Variants in ACTL8 observed in about 807,000 individuals in gnomAD.
ACTL8 encodes the protein actin-like protein 8.
ACTL8 carries 3 observed loss-of-function variants against 9.3 expected under a neutral mutation model. The observed-to-expected ratio is 0.32, with a 90% CI of 0.15 to 0.83. ACTL8 has a LOEUF of 0.83. Ranked by LOEUF, ACTL8 falls within the 40% of genes least tolerant of loss-of-function variation. The pLI is 0.57. For synonymous variants in ACTL8, 224 were observed against 205.9 expected (o/e 1.09, Z -0.75); for missense variants, 381 against 492.2 (o/e 0.77, Z 2.14).
At chr1:17,816,451 G>A (rs774233396) in intron 1 of ACTL8, among the ~76,000 whole-genome samples, 3 of 152,136 alleles carry the variant, frequency 2.0e-5, no homozygotes, top group Admixed American at 6.5e-5. Context: ...CAATCCACCC[G>A]CCTTGGCCTC....
intron 1 of ACTL8, among the ~76,000 whole-genome samples, chr1:17,799,929 C>G (rs919975706): frequency 6.6e-6 from 1 of 151,548 alleles, no homozygotes; most frequent in Non-Finnish European, 1.5e-5. Flanking sequence ...TTTCTGAGCT[C>G]TCTCTGCTGT....
chr1:17,786,005 G>A (rs1445553666), intron 1 of ACTL8, among the ~76,000 whole-genome samples: 1 of 152,190 alleles, frequency 6.6e-6, no homozygotes, highest in Admixed American at 6.5e-5. Flanking sequence ...CCCTGTGGCT[G>A]TGTGACTGAG....
intron 1 of ACTL8, among the ~76,000 whole-genome samples, chr1:17,763,531 T>C (rs1169249458): frequency 6.6e-6 from 1 of 152,140 alleles, no homozygotes; most frequent in Admixed American, 6.5e-5. Flanking sequence ...CCCCTCCCCG[T>C]GTCCCCTGCC....
chr1:17,779,022 A>G (rs1281118604), intron 1 of ACTL8, among the ~76,000 whole-genome samples: 1 of 152,072 alleles, frequency 6.6e-6, no homozygotes, highest in Non-Finnish European at 1.5e-5. Flanking sequence ...ATAGGCACCC[A>G]TTCTAGAAAT....
In ACTL8 at chr1:17,783,596, T is replaced by G. The variant is rs185550816; in HGVS notation, c.-25+28092T>G. Among the ~76,000 whole-genome samples, 60 of 152,350 alleles carry G rather than the reference T, an allele frequency of 3.9e-4. 1 individual carries two copies. Among genetic ancestry groups the G allele is most frequent in the Admixed American group, 3.9e-3 (60 of 15,306 alleles). On this transcript the variant is annotated intron_variant, in intron 1 of 2. Transcript: ENST00000375406. ...CCGTTTGGCTCTCTAGCTTCGCAACTCTGGCCTCCTTGTGTGTCCCTGAGG... is the reference window on the plus strand; with the variant it reads ...CCGTTTGGCTCTCTAGCTTCGCAACGCTGGCCTCCTTGTGTGTCCCTGAGG...
In ACTL8 at chr1:17,767,469, G is replaced by A. The variant is rs893316166; in HGVS notation, c.-25+11965G>A. On this transcript the variant is annotated intron_variant, in intron 1 of 2. Transcript: ENST00000375406. The surrounding 1 kb of genome is among the most constrained non-coding windows in gnomAD (Gnocchi z 4.7). ...CTCTTCCCTTTCCTCCCGGACTGAC[G>A]TCTGCACATCCTTCTCTCCCGGCTA... Among the ~76,000 whole-genome samples the A allele has an allele frequency of 6.6e-6, 1 of 152,094 alleles. No individual in the cohort carries two copies.
chr1:17,802,431 G>A (rs1031227676), intron 1 of ACTL8, among the ~76,000 whole-genome samples: 14 of 141,978 alleles, frequency 9.9e-5, no homozygotes, highest in African/African-American at 4.4e-4. Flanking sequence ...GTGCGTGTGT[G>A]TGTGTGTGTG....
chr1:17,826,370 G>T lies in ACTL8; in HGVS notation c.952G>T (p.Asp318Tyr). 2 of 1,614,124 alleles carry T rather than the reference G, an allele frequency of 1.2e-6. No homozygotes were observed. Among genetic ancestry groups the T allele is most frequent in the Non-Finnish European group, 1.7e-6 (2 of 1,180,018 alleles). Residue 318 changes from aspartate (D) to tyrosine (Y), a missense_variant, in exon 3 of 3, where the codon GAT becomes TAT. Around this residue, in one of 3 missense-constraint regions of ACTL8, gnomAD observed 243 missense variants for 276.2 expected, o/e 0.88. Coordinates refer to ENST00000375406, the MANE Select transcript of ACTL8 (RefSeq NM_030812.3). The surrounding 1 kb of genome is among the most constrained non-coding windows in gnomAD (Gnocchi z 4.5). ...GCGCCTGTTCAGGGAGCTGATGGGGGATCACGTCTCCTCCACCAAGGCCAC... is the reference window on the plus strand; with the variant it reads ...GCGCCTGTTCAGGGAGCTGATGGGGTATCACGTCTCCTCCACCAAGGCCAC... ...TKRLFRELMG[D>Y]HVSSTKATVW...
chr1:17,799,620 T>G (rs2066306094), intron 1 of ACTL8, among the ~76,000 whole-genome samples: 1 of 152,160 alleles, frequency 6.6e-6, no homozygotes, highest in East Asian at 1.9e-4. Context: ...TCTCTGGCCT[T>G]AGAAATTGTG....
In ACTL8 at chr1:17,823,499, T is replaced by C; in HGVS notation, c.348+143T>C. 3.8e-6 allele frequency: 3 copies of C among 799,688 alleles called. No homozygotes were observed. The highest frequency in any genetic ancestry group is 5.8e-6 in the Non-Finnish European group (3 of 519,528). 49.5% of individuals were successfully genotyped at this position (799,688 alleles called of 1,614,324 possible). On this transcript the variant is annotated intron_variant, in intron 2 of 2. Transcript: ENST00000375406. This position sits in a 1 kb window ranked among gnomAD's most constrained non-coding sequence, Gnocchi z 5.3. ...GGCTTATGCCTGTAATCCCAACACT[T>C]TGGGACTCCCAGGCAGGCAGATTGC...
At position 17,826,585 on chromosome 1, in the gene ACTL8, A is replaced by G; in HGVS notation, c.*66A>G. On this transcript the variant is annotated 3_prime_UTR_variant, in exon 3 of 3. Transcript: ENST00000375406. This position sits in a 1 kb window ranked among gnomAD's most constrained non-coding sequence, Gnocchi z 4.5. ...GGCACGGGCGGATTAATTTTAGCAA[A>G]ATGTTCTGGGTGGGGGTAGAATGAG... The G allele has an allele frequency of 7.0e-7, 1 of 1,434,572 alleles. No homozygotes were observed. The highest frequency in any genetic ancestry group is 9.2e-7 in the Non-Finnish European group (1 of 1,083,290). 88.9% of individuals were successfully genotyped at this position (1,434,572 alleles called of 1,614,324 possible). A position where few individuals can be genotyped will look rare whatever the true frequency, so the allele number is the denominator to read the frequency against.
chr1:17,796,430 A>G (rs2066277814), intron 1 of ACTL8, among the ~76,000 whole-genome samples: 2 of 152,090 alleles, frequency 1.3e-5, no homozygotes, highest in Non-Finnish European at 2.9e-5. Flanking sequence ...AGGTGCCTTC[A>G]GTATCTCATT....
chr1:17,755,875 G>C (rs1473405305), intron 1 of ACTL8, among the ~76,000 whole-genome samples: 1 of 151,284 alleles, frequency 6.6e-6, no homozygotes, highest in African/African-American at 2.4e-5. Context: ...GGGGTGAGGG[G>C]CTCTTTCTGG....
rs144554207 is a variant in ACTL8, at chr1:17,800,445, C to T, written c.-24-22540C>T. 3.9e-4 allele frequency among the ~76,000 whole-genome samples: 60 copies of T among 152,240 alleles called. No homozygotes were observed. In the East Asian group the frequency reaches 6.4e-3, roughly 16 times the overall value. On this transcript the variant is annotated intron_variant, in intron 1 of 2. Coordinates refer to ENST00000375406, the MANE Select transcript of ACTL8 (RefSeq NM_030812.3). ...TTTCTATAGATGATATTATCTTAAA[C>T]GTGAACAATGGTGGTCTCTCTGTCT... is the stretch of plus-strand genomic sequence containing the variant.
intron 1 of ACTL8, among the ~76,000 whole-genome samples, chr1:17,802,682 T>C (rs1265812081): frequency 1.3e-5 from 2 of 152,144 alleles, no homozygotes; most frequent in African/African-American, 4.8e-5. Context: ...AGAAAAGATA[T>C]CTTCAAACAG....
At chr1:17,820,170 C>T (rs555512619) in intron 1 of ACTL8, among the ~76,000 whole-genome samples, 11 of 152,180 alleles carry the variant, frequency 7.2e-5, no homozygotes, top group Admixed American at 2.0e-4. Flanking sequence ...CATCCCCTCT[C>T]ACCACCTGGC....
At chr1:17,796,692 A>T (rs1238501603) in intron 1 of ACTL8, among the ~76,000 whole-genome samples, 1 of 152,184 alleles carries the variant, frequency 6.6e-6, no homozygotes, top group Admixed American at 6.5e-5. Context: ...CTCATACCGG[A>T]TTCAAACCCC....
At chr1:17,821,563 G>C (rs1019761936) in intron 1 of ACTL8, among the ~76,000 whole-genome samples, 1 of 152,126 alleles carries the variant, frequency 6.6e-6, no homozygotes, top group African/African-American at 2.4e-5. Flanking sequence ...AAGAGCAAAT[G>C]ACACTTTTTT....
At chr1:17,818,001 C>T (rs959989449) in intron 1 of ACTL8, among the ~76,000 whole-genome samples, 1 of 152,152 alleles carries the variant, frequency 6.6e-6, no homozygotes, top group African/African-American at 2.4e-5. Context: ...CGTGCCTGAC[C>T]TCAACCACGT....
Sources: allele counts gnomAD v4.1 joint callset (sites outside exome capture counted in the v4.1 genomes callset), GRCh38; gene constraint gnomAD v4.1.1; regional missense constraint gnomAD v4.1.1; non-coding constraint Gnocchi (gnomAD v3.1); transcripts MANE v1.5; gene names NCBI Gene and HGNC (gene_info 2026-07-23, HGNC 2026-07-21).